TNR: variants seen among roughly 807,000 people sequenced by gnomAD.
TNR encodes the protein tenascin R, also known as tenascin-R.
TNR carries 45 observed loss-of-function variants against 150.4 expected under a neutral mutation model. The observed-to-expected ratio is 0.30, with a 90% CI of 0.24 to 0.38. The LOEUF (loss-of-function observed/expected upper bound fraction) is 0.38. Among genes scored for constraint, TNR ranks in the 10% least tolerant of loss-of-function variants. TNR has a pLI of 1.00. For synonymous variants in TNR, 687 were observed against 678.4 expected (o/e 1.01, Z -0.20); for missense variants, 1,544 against 1,759.1 (o/e 0.88, Z 2.19).
At chr1:175,431,051 C>T (rs72723486) in intron 2 of TNR, among the ~76,000 whole-genome samples, 3,543 of 152,222 alleles carry the variant, frequency 0.023, 69 homozygotes, top group Non-Finnish European at 0.032. Context: ...CATAACAGTA[C>T]CTATTCCAGG....
intron 2 of TNR, among the ~76,000 whole-genome samples, chr1:175,493,392 A>G (rs1292060188): frequency 6.6e-6 from 1 of 152,178 alleles, no homozygotes; most frequent in East Asian, 1.9e-4. Context: ...TCTCCTTGCT[A>G]ATAGAACATG....
intron 18 of TNR, among the ~76,000 whole-genome samples, chr1:175,341,237 C>T (rs1650511097): frequency 6.6e-6 from 1 of 152,166 alleles, no homozygotes; most frequent in Non-Finnish European, 1.5e-5. Flanking sequence ...CATATATCAG[C>T]TCAGTAATTT....
chr1:175,569,915 A>G lies in TNR; in HGVS notation c.-164-41546T>C, dbSNP rs183375188. Among the ~76,000 whole-genome samples the G allele has an allele frequency of 1.6e-3, 242 of 152,338 alleles. 1 individual carries two copies. Among genetic ancestry groups the G allele is most frequent in the Non-Finnish European group, 2.9e-3 (197 of 68,022 alleles). ...AGACTGTAGCTCTCTCTAGTCATCC[A>G]TGTACCCTCTTCCAGTCTACCCCTC... On this transcript the variant is annotated intron_variant, in intron 1 of 22. Transcript: ENST00000367674.
chr1:175,630,638 T>G (rs1267635459), intron 1 of TNR, among the ~76,000 whole-genome samples: 2 of 152,144 alleles, frequency 1.3e-5, no homozygotes, highest in African/African-American at 4.8e-5. Context: ...TGGCCTCTGT[T>G]TCAAATATAC....
intron 1 of TNR, among the ~76,000 whole-genome samples, chr1:175,551,761 TG>T (rs1166587304): frequency 6.6e-6 from 1 of 152,218 alleles, no homozygotes; most frequent in Non-Finnish European, 1.5e-5. Flanking sequence ...ACTGCTTTGT[TG>T]TGAATAATAC....
At chr1:175,727,494 C>T (rs1021749350) in intron 1 of TNR, among the ~76,000 whole-genome samples, 4 of 152,074 alleles carry the variant, frequency 2.6e-5, no homozygotes, top group African/African-American at 9.7e-5. Context: ...GTAAGTTTTG[C>T]TGTAGATGGG....
chr1:175,372,245 TC>T (rs1326492280), intron 9 of TNR, among the ~76,000 whole-genome samples: 2 of 152,190 alleles, frequency 1.3e-5, no homozygotes, highest in Non-Finnish European at 2.9e-5. Flanking sequence ...CAGTCAAACC[TC>T]CTTTCTTTAT....
rs1372624277 is a variant in TNR, at chr1:175,335,714, G to A, written c.3628C>T (p.Leu1210=). 2 of 1,613,718 alleles carry A rather than the reference G, an allele frequency of 1.2e-6. No individual in the cohort carries two copies. Among genetic ancestry groups the A allele is most frequent in the African/African-American group, 2.7e-5 (2 of 74,996 alleles). The part of the protein sequence containing the change: ...GFGNVEDEFW[L]GLDNIHRITS... The stretch of plus-strand genomic sequence containing the variant: ...GAAAGCAATAAGGAGGCTTTACCCA[G>A]CCAGAACTCATCCTCCACGTTCCCG... The change falls in exon 20 of 23, where the codon CTG becomes TTG. Residue 1210 remains leucine (L), a synonymous_variant. Coordinates refer to ENST00000367674, the MANE Select transcript of TNR (RefSeq NM_003285.3).
intron 2 of TNR, among the ~76,000 whole-genome samples, chr1:175,437,326 C>T (rs1655555671): frequency 6.6e-6 from 1 of 152,116 alleles, no homozygotes; most frequent in African/African-American, 2.4e-5. Context: ...TCTTTGAAAC[C>T]AATGAGAACA....
intron 2 of TNR, among the ~76,000 whole-genome samples, chr1:175,432,862 A>G (rs577342450): frequency 6.7e-4 from 102 of 152,326 alleles, no homozygotes; most frequent in African/African-American, 1.8e-3. Flanking sequence ...CAAAGACTGC[A>G]TATCCCAGTC....
rs147261557 is a variant in TNR at position 175,651,370 on chromosome 1, G to T, written c.-165+91856C>A. On this transcript the variant is annotated intron_variant, in intron 1 of 22. Coordinates refer to ENST00000367674, the MANE Select transcript of TNR (RefSeq NM_003285.3). ...AAGGTTACCTTGAGGGGAGGGAAGG[G>T]ATGAGTGGCGGATGGAAAGTGTCAG... 6.0e-3 allele frequency among the ~76,000 whole-genome samples: 907 copies of T among 152,148 alleles called. 3 individuals carry two copies. The highest frequency in any genetic ancestry group is 8.9e-3 in the Non-Finnish European group (606 of 67,998).
intron 1 of TNR, among the ~76,000 whole-genome samples, chr1:175,650,824 TTACTAC>T (rs1664948410): frequency 1.2e-4 from 1 of 8,034 alleles, no homozygotes. Context: ...CCCCACCTCC[TTACTAC>T]CCCTCCCCCA....
intron 1 of TNR, among the ~76,000 whole-genome samples, chr1:175,640,674 T>C (rs910965765): frequency 6.6e-6 from 1 of 152,082 alleles, no homozygotes; most frequent in South Asian, 2.1e-4. Flanking sequence ...TTCTCTCCTA[T>C]GCAAGACAAT....
At chr1:175,633,632 A>C (rs1313582683) in intron 1 of TNR, among the ~76,000 whole-genome samples, 13 of 152,342 alleles carry the variant, frequency 8.5e-5, no homozygotes. Context: ...CGCAAATGCC[A>C]TAAAAATTAG....
At chr1:175,518,430 G>A (rs553605536) in intron 2 of TNR, among the ~76,000 whole-genome samples, 5 of 152,192 alleles carry the variant, frequency 3.3e-5, no homozygotes, top group Admixed American at 2.6e-4. Context: ...TCCCCCTACA[G>A]TCCTAAATAC....
At chr1:175,420,004 G>A (rs914740366) in intron 2 of TNR, among the ~76,000 whole-genome samples, 2 of 152,208 alleles carry the variant, frequency 1.3e-5, no homozygotes, top group Non-Finnish European at 2.9e-5. Flanking sequence ...GTGGTGTGGA[G>A]GAGAGTCAGG....
chr1:175,620,039 G>T (rs753413518), intron 1 of TNR, among the ~76,000 whole-genome samples: 4 of 152,336 alleles, frequency 2.6e-5, no homozygotes, highest in South Asian at 2.1e-4. Flanking sequence ...AAGGTAAAGT[G>T]CTGTGTAATT....
At chr1:175,396,841 C>G in intron 4 of TNR, 34 bp from the exon 5 acceptor site, 1 of 1,591,802 alleles carries the variant, frequency 6.3e-7, no homozygotes, top group South Asian at 1.1e-5. Context: ...AGCATGAGCT[C>G]AGAGGATTGC....
chr1:175,685,556 A>C (rs575755260), intron 1 of TNR, among the ~76,000 whole-genome samples: 1 of 152,154 alleles, frequency 6.6e-6, no homozygotes, highest in East Asian at 1.9e-4. Context: ...ATATTCTCTC[A>C]AATGGGTGTC....
Sources: gnomAD v4.1 joint callset for allele counts (sites outside exome capture counted in the v4.1 genomes callset) on GRCh38, gnomAD v4.1.1 for gene constraint, MANE v1.5 for transcripts, NCBI Gene and HGNC (gene_info 2026-07-23, HGNC 2026-07-21) for gene names.